The following PHF12 variants were observed in gnomAD, a reference collection of about 807,000 sequenced individuals.
The protein encoded by PHF12 is PHD factor 1.
A neutral mutation model predicts 99.8 loss-of-function variants in PHF12; 6 were observed. The observed-to-expected ratio is 0.06, with a 90% confidence interval of 0.03 to 0.12. The LOEUF (loss-of-function observed/expected upper bound fraction) is 0.12. Among genes scored for constraint, PHF12 ranks in the 10% least tolerant of loss-of-function variants. PHF12 has a pLI of 1.00. For missense variants in PHF12, 954 were observed against 1,300.1 expected, an observed-to-expected ratio of 0.73 and a Z score of 4.09; for synonymous variants, 480 against 514.9, an observed-to-expected ratio of 0.93 and a Z score of 0.92.
rs760165491 is a variant in PHF12, at chr17:28,912,553, G to A, written c.2018C>T (p.Pro673Leu). Residue 673 changes from proline (P) to leucine (L), a missense_variant, in exon 9 of 15, where the codon CCG (proline) becomes CTG (leucine). Transcript: ENST00000332830. ...CAAGATACCATCTCCTGCTGCTTGC[G>A]GGGGAGTGAGCACCCGGGTGGCGTT... The part of the protein sequence containing the change: ...PPNATRVLTP[P>L]QAAGDGILAT... 34 of 1,613,754 alleles carry A rather than the reference G, an allele frequency of 2.1e-5. No individual in the cohort carries two copies. Among genetic ancestry groups the A allele is most frequent in the Non-Finnish European group, 2.5e-5 (30 of 1,179,744 alleles).
In PHF12 at chr17:28,951,017, G is replaced by T. The variant is rs1427477062; in HGVS notation, c.-57C>A. ...TCCGGCCCCCCCAACCCCGGGGGGAGGGGGGAGGTGAGGGGAGGGGGCGCT... is the reference window on the plus strand; with the variant it reads ...TCCGGCCCCCCCAACCCCGGGGGGATGGGGGAGGTGAGGGGAGGGGGCGCT... On this transcript the variant is annotated 5_prime_UTR_variant, in exon 1 of 15. Coordinates refer to ENST00000332830, the MANE Select transcript of PHF12 (RefSeq NM_001033561.2). 6.2e-7 allele frequency: 1 copy of T among 1,607,400 alleles called. No individual in the cohort carries two copies. The highest frequency in any genetic ancestry group is 8.5e-7 in the Non-Finnish European group (1 of 1,176,420).
At position 28,914,075 on chromosome 17, in the gene PHF12, T is replaced by C. The variant is rs371812579; in HGVS notation, c.1135-38A>G. The C allele has an allele frequency of 1.2e-5, 18 of 1,556,758 alleles. No individual in the cohort carries two copies. The African/African-American group carries it at 2.2e-4, about 19-fold the overall frequency. The stretch of plus-strand genomic sequence containing the variant: ...GATAGAAGGAGGAAGGAGAGGGAGA[T>C]AGTTCCAACATGTCTAGTTGATTCT... On this transcript the variant is annotated intron_variant, in intron 7 of 14. Coordinates refer to ENST00000332830, the MANE Select transcript of PHF12 (RefSeq NM_001033561.2).
Position 28,915,197 on chromosome 17 carries a change from G to T in PHF12, c.1135-1160C>A, listed in dbSNP as rs533642070. Among the ~76,000 whole-genome samples, 6 of 152,276 alleles carry T rather than the reference G, an allele frequency of 3.9e-5. No homozygotes were observed. In the South Asian group the frequency reaches 6.2e-4, roughly 16 times the overall value. On this transcript the variant is annotated intron_variant, in intron 7 of 14. Coordinates refer to ENST00000332830, the MANE Select transcript of PHF12 (RefSeq NM_001033561.2). ...AGGCAGATAAAGGAAAAATAAGGGAGGGGGAGAAGCATGTAAGGCATAGAG... is the reference window on the plus strand; with the variant it reads ...AGGCAGATAAAGGAAAAATAAGGGATGGGGAGAAGCATGTAAGGCATAGAG...
chr17:28,948,753 A>G (rs768381595), intron 2 of PHF12, among the ~76,000 whole-genome samples: 12 of 152,314 alleles, frequency 7.9e-5, no homozygotes, highest in Admixed American at 3.9e-4. Flanking sequence ...TTCACTTAAA[A>G]CAAAATAAAA....
chr17:28,905,978 T>C lies in PHF12; in HGVS notation c.*205A>G, dbSNP rs1028453390. On this transcript the variant is annotated 3_prime_UTR_variant, in exon 15 of 15. Coordinates refer to ENST00000332830, the MANE Select transcript of PHF12 (RefSeq NM_001033561.2). Reference sequence around the variant, plus strand: ...TTTCCCATGAAATGTTGAGTACAAATATATGTGCAAATGCCCCCTAGAACT... The same window carrying C: ...TTTCCCATGAAATGTTGAGTACAAACATATGTGCAAATGCCCCCTAGAACT... 2.7e-5 allele frequency: 15 copies of C among 559,284 alleles called. No homozygotes were observed. Among genetic ancestry groups the C allele is most frequent in the Non-Finnish European group, 4.5e-5 (15 of 330,366 alleles). The allele number at this position is 559,284 out of a possible 1,614,324, so 34.6% of individuals were successfully genotyped here.
intron 2 of PHF12, among the ~76,000 whole-genome samples, chr17:28,943,968 TA>T (rs964024680): frequency 3.3e-5 from 5 of 152,242 alleles, no homozygotes; most frequent in African/African-American, 9.6e-5. Context: ...GAATTCCATT[TA>T]AATTAAGATT....
Position 28,912,612 on chromosome 17 carries a change from C to G in PHF12, c.1959G>C (p.Pro653=). The change falls in exon 9 of 15, where the codon CCG becomes CCC. Residue 653 remains proline, a synonymous_variant. Coordinates refer to ENST00000332830, the MANE Select transcript of PHF12 (RefSeq NM_001033561.2). ...AGCCCAGTGGCCTTGAATCTGTCAACGGAGGTCCTATCTGTGATTGGACAG... is the reference window on the plus strand; with the variant it reads ...AGCCCAGTGGCCTTGAATCTGTCAAGGGAGGTCCTATCTGTGATTGGACAG... ...RKTVQSQIGP[P]LTDSRPLGSP... 1 of 1,614,164 alleles carries G rather than the reference C, an allele frequency of 6.2e-7. No homozygotes were observed. The highest frequency in any genetic ancestry group is 1.1e-5 in the South Asian group (1 of 91,082).
rs1368023338 is a variant in PHF12 at position 28,951,110 on chromosome 17, C to G, written c.-150G>C. 1 of 1,456,936 alleles carries G rather than the reference C, an allele frequency of 6.9e-7. No homozygotes were observed. Among genetic ancestry groups the G allele is most frequent in the South Asian group, 1.4e-5 (1 of 72,394 alleles). 90.3% of individuals were successfully genotyped at this position (1,456,936 alleles called of 1,614,324 possible). ...TCCTCGCCCTGGCTCCCCCCCACCC[C>G]CCGGCCCCCAGTCCCCGGGACGACA... On this transcript the variant is annotated 5_prime_UTR_variant, in exon 1 of 15. Coordinates refer to ENST00000332830, the MANE Select transcript of PHF12 (RefSeq NM_001033561.2).
At chr17:28,926,644 A>G in intron 3 of PHF12, 3 of 584,114 alleles carry the variant, frequency 5.1e-6, no homozygotes, top group Non-Finnish European at 8.0e-6. Flanking sequence ...GGGGTGAGAG[A>G]AAACTCCATT....
Position 28,950,450 on chromosome 17 carries a change from A to G in PHF12, c.67-204T>C. On this transcript the variant is annotated intron_variant, in intron 1 of 14. Coordinates refer to ENST00000332830, the MANE Select transcript of PHF12 (RefSeq NM_001033561.2). The surrounding 1 kb of genome is among the most constrained non-coding windows in gnomAD (Gnocchi z 5.7). ...GTTCCTGCAGCACAACAACGAGAAC[A>G]GCTTCTTCCAAATGGGGAGGATCAA... is the stretch of plus-strand genomic sequence containing the variant. 1.7e-6 allele frequency: 1 copy of G among 603,582 alleles called. No homozygotes were observed. The highest frequency in any genetic ancestry group is 2.9e-6 in the Non-Finnish European group (1 of 345,044). The allele number at this position is 603,582 out of a possible 1,614,324, so 37.4% of individuals were successfully genotyped here.
Position 28,926,983 on chromosome 17 carries a change from A to C in PHF12, c.321+8T>G, listed in dbSNP as rs1167708830. The C allele has an allele frequency of 1.9e-6, 3 of 1,613,876 alleles. No homozygotes were observed. Among genetic ancestry groups the C allele is most frequent in the South Asian group, 1.1e-5 (1 of 91,090 alleles). On this transcript the variant is annotated splice_region_variant and intron_variant, in intron 3 of 14. Transcript: ENST00000332830. ...TTCTGGACAGTCTTCAGAAAGCAGCATTATTACCTTTCGGCGAACAGTGCA... is the reference window on the plus strand; with the variant it reads ...TTCTGGACAGTCTTCAGAAAGCAGCCTTATTACCTTTCGGCGAACAGTGCA...
intron 7 of PHF12, among the ~76,000 whole-genome samples, chr17:28,915,071 T>G (rs115757954): frequency 6.6e-6 from 1 of 152,290 alleles, no homozygotes; most frequent in African/African-American, 2.4e-5. Context: ...ATTAAAAACA[T>G]AGTGCTTATT....
chr17:28,947,217 G>A (rs1489731344), intron 2 of PHF12, among the ~76,000 whole-genome samples: 1 of 151,828 alleles, frequency 6.6e-6, no homozygotes, highest in Non-Finnish European at 1.5e-5. Context: ...TCCTGACCTC[G>A]TGATCCACCC....
chr17:28,918,269 A>G (rs554856691), intron 6 of PHF12, among the ~76,000 whole-genome samples: 6 of 152,328 alleles, frequency 3.9e-5, no homozygotes, highest in African/African-American at 1.4e-4. Flanking sequence ...TAAGTTTCAC[A>G]TTTGGGTAAA....
rs754315566 is a variant in PHF12 at position 28,912,725 on chromosome 17, T to G, written c.1846A>C (p.Arg616=). The G allele has an allele frequency of 5.0e-6, 8 of 1,614,208 alleles. No individual in the cohort carries two copies. In the South Asian group the frequency reaches 8.8e-5, roughly 18 times the overall value. Reference sequence around the variant, plus strand: ...AGGCTTGGGACAGGAACCAAACTCCTCTGGGGGCAAGAGCTGGGGCCAGTG... The same window carrying G: ...AGGCTTGGGACAGGAACCAAACTCCGCTGGGGGCAAGAGCTGGGGCCAGTG... The part of the protein sequence containing the change: ...NATGPSSCPQ[R]SLVPVPSLPP... The change falls in exon 9 of 15, where the codon AGG becomes CGG. Residue 616 remains arginine (R), a synonymous_variant. Transcript: ENST00000332830.
chr17:28,937,930 G>A (rs1279760266), intron 2 of PHF12, among the ~76,000 whole-genome samples: 1 of 152,142 alleles, frequency 6.6e-6, no homozygotes, highest in Non-Finnish European at 1.5e-5. Context: ...CAAAATTCTG[G>A]CCTCAACGGT....
intron 5 of PHF12, among the ~76,000 whole-genome samples, chr17:28,919,953 ACTT>A (rs910028818): frequency 5.9e-5 from 9 of 152,162 alleles, no homozygotes; most frequent in African/African-American, 2.2e-4. Context: ...TGATCTTCCT[ACTT>A]CTTAAAAGAG....
chr17:28,919,839 A>C (rs1176181502), intron 5 of PHF12, among the ~76,000 whole-genome samples: 1 of 152,222 alleles, frequency 6.6e-6, no homozygotes, highest in South Asian at 2.1e-4. Context: ...TAAGAAGAAC[A>C]TGTCTTGCGG....
At chr17:28,929,301 G>A (rs2040352928) in intron 2 of PHF12, among the ~76,000 whole-genome samples, 1 of 151,218 alleles carries the variant, frequency 6.6e-6, no homozygotes, top group Admixed American at 6.6e-5. Flanking sequence ...GGAGTGCAAT[G>A]GTGCGATCTT....
Sources: gnomAD v4.1 joint callset for allele counts (sites outside exome capture counted in the v4.1 genomes callset) on GRCh38, gnomAD v4.1.1 for gene constraint, Gnocchi (gnomAD v3.1) non-coding constraint, MANE v1.5 for transcripts, NCBI Gene and HGNC (gene_info 2026-07-23, HGNC 2026-07-21) for gene names.